PDGFC: variants seen among roughly 807,000 people sequenced by gnomAD.
PDGFC encodes platelet derived growth factor C.
Under a neutral mutation model 35.5 loss-of-function variants are expected in PDGFC, and 12 were observed. That is an observed-to-expected ratio of 0.34 (90% CI 0.22 to 0.55). The LOEUF (loss-of-function observed/expected upper bound fraction) is 0.55, where lower values mean the gene tolerates loss of function less well. PDGFC is among the 20% of genes least tolerant of loss of function. The pLI is 0.91. For synonymous variants in PDGFC, 159 were observed against 148.8 expected (o/e 1.07, Z -0.50); for missense variants, 322 against 412.4 (o/e 0.78, Z 1.90).
chr4:156,853,455 T>TGCTAAAATTTTTCCTCAGC (rs1340861082), intron 1 of PDGFC, among the ~76,000 whole-genome samples: 1 of 152,178 alleles, frequency 6.6e-6, no homozygotes, highest in East Asian at 1.9e-4. Context: ...ATCTTCTCAG[T>TGCTAAAATTTTTCCTCAGC]GCTAAAATTT....
chr4:156,854,892 G>T (rs1446304411), intron 1 of PDGFC, among the ~76,000 whole-genome samples: 1 of 151,940 alleles, frequency 6.6e-6, no homozygotes, highest in Non-Finnish European at 1.5e-5. Flanking sequence ...AATCAATCTT[G>T]TATATCTTAG....
intron 3 of PDGFC, among the ~76,000 whole-genome samples, chr4:156,778,744 G>A (rs1730895221): frequency 6.6e-6 from 1 of 152,106 alleles, no homozygotes; most frequent in South Asian, 2.1e-4. Flanking sequence ...CACTTAAAAT[G>A]AATCTTCCTT....
intron 3 of PDGFC, 112 bp from the exon 4 acceptor site, chr4:156,773,005 T>C (rs78906982): frequency 9.0e-4 from 614 of 679,218 alleles, no homozygotes; most frequent in African/African-American, 4.2e-3. Context: ...TGAAGGGAAA[T>C]TGTATTGAAT....
intron 1 of PDGFC, among the ~76,000 whole-genome samples, chr4:156,948,328 T>C (rs963027136): frequency 1.3e-5 from 2 of 152,004 alleles, no homozygotes; most frequent in South Asian, 2.1e-4. Flanking sequence ...ACATTTCTTA[T>C]AAACTGCCAA....
At chr4:156,958,976 T>C (rs968694273) in intron 1 of PDGFC, among the ~76,000 whole-genome samples, 18 of 152,076 alleles carry the variant, frequency 1.2e-4, no homozygotes, top group Admixed American at 1.3e-4. Context: ...TTACTTTACA[T>C]AGTTGTAGTT....
chr4:156,921,631 A>G (rs1731283925), intron 1 of PDGFC, among the ~76,000 whole-genome samples: 1 of 152,168 alleles, frequency 6.6e-6, no homozygotes, highest in Admixed American at 6.5e-5. Context: ...TCAGTATGAC[A>G]CCTTTACAAC....
chr4:156,843,333 G>A (rs138641177), intron 2 of PDGFC, among the ~76,000 whole-genome samples: 5 of 152,278 alleles, frequency 3.3e-5, no homozygotes, highest in African/African-American at 1.2e-4. Context: ...AGAACTGTGA[G>A]AAATAAAATT....
intron 2 of PDGFC, among the ~76,000 whole-genome samples, chr4:156,815,387 A>G (rs1732059387): frequency 6.6e-6 from 1 of 151,360 alleles, no homozygotes; most frequent in Non-Finnish European, 1.5e-5. Context: ...ACTTCATTCC[A>G]TATTTCCTTT....
At chr4:156,948,638 T>C (rs1732003944) in intron 1 of PDGFC, among the ~76,000 whole-genome samples, 1 of 151,992 alleles carries the variant, frequency 6.6e-6, no homozygotes, top group African/African-American at 2.4e-5. Context: ...ATAAGCTTAC[T>C]ATAGGAAATT....
chr4:156,784,181 T>G (rs1257736240), intron 3 of PDGFC, among the ~76,000 whole-genome samples: 1 of 152,166 alleles, frequency 6.6e-6, no homozygotes, highest in African/African-American at 2.4e-5. Flanking sequence ...GTTAAAGCCA[T>G]GAGCTAAGAG....
At chr4:156,799,795 T>G (rs993460765) in intron 3 of PDGFC, among the ~76,000 whole-genome samples, 2 of 152,198 alleles carry the variant, frequency 1.3e-5, no homozygotes, top group African/African-American at 2.4e-5. Context: ...AGGTGACATT[T>G]TTTTAAAAAA....
intron 2 of PDGFC, among the ~76,000 whole-genome samples, chr4:156,825,704 T>C (rs1031029223): frequency 6.6e-6 from 1 of 151,406 alleles, no homozygotes; most frequent in Non-Finnish European, 1.5e-5. Context: ...GTTCCAGGTA[T>C]AAGAAACTTG....
intron 2 of PDGFC, among the ~76,000 whole-genome samples, chr4:156,824,371 CACAT>C (rs1433572625): frequency 1.8e-4 from 26 of 147,172 alleles, no homozygotes; most frequent in East Asian, 4.0e-4. Context: ...TATATACACA[CACAT>C]ACATACATAC....
chr4:156,928,321 G>A lies in PDGFC; in HGVS notation c.118+42465C>T, dbSNP rs141693561. On this transcript the variant is annotated intron_variant, in intron 1 of 5. Coordinates refer to ENST00000502773, the MANE Select transcript of PDGFC (RefSeq NM_016205.3). ...GCCCAGGATGGTCTTGAACTCCTGG[G>A]CTCAAGAGATCCTCCCACCCCAGCC... Among the ~76,000 whole-genome samples, 708 of 152,134 alleles carry A rather than the reference G, an allele frequency of 4.7e-3. 8 individuals are homozygous for A. The highest frequency in any genetic ancestry group is 0.016 in the African/African-American group (679 of 41,494).
chr4:156,941,224 G>A (rs934288268), intron 1 of PDGFC, among the ~76,000 whole-genome samples: 1 of 152,086 alleles, frequency 6.6e-6, no homozygotes, highest in Non-Finnish European at 1.5e-5. Flanking sequence ...AGATCTGTGA[G>A]GTAAGTGAAA....
chr4:156,844,210 T>A (rs1219431562), intron 2 of PDGFC, among the ~76,000 whole-genome samples: 1 of 152,168 alleles, frequency 6.6e-6, no homozygotes, highest in Non-Finnish European at 1.5e-5. Context: ...GAAGCTAGCA[T>A]TTAGTTAGTT....
chr4:156,915,800 A>G (rs531648979), intron 1 of PDGFC, among the ~76,000 whole-genome samples: 2 of 152,102 alleles, frequency 1.3e-5, no homozygotes, highest in Admixed American at 1.3e-4. Flanking sequence ...AAGAAAAGAA[A>G]ATCACAAAGT....
intron 1 of PDGFC, among the ~76,000 whole-genome samples, chr4:156,919,479 T>C (rs1428656899): frequency 1.0e-5 from 1 of 97,642 alleles, no homozygotes. Flanking sequence ...TTCAATTTTC[T>C]CACACGCATT....
intron 3 of PDGFC, among the ~76,000 whole-genome samples, chr4:156,808,618 G>A (rs1731837201): frequency 6.6e-6 from 1 of 151,960 alleles, no homozygotes; most frequent in Non-Finnish European, 1.5e-5. Context: ...AGATAAGATT[G>A]ATGGATTGCA....
Sources: allele counts gnomAD v4.1 joint callset (sites outside exome capture counted in the v4.1 genomes callset), GRCh38; gene constraint gnomAD v4.1.1; transcripts MANE v1.5; gene names NCBI Gene and HGNC (gene_info 2026-07-23, HGNC 2026-07-21).